The following ATP10A variants were observed in gnomAD, a reference collection of about 807,000 sequenced individuals.
The protein encoded by ATP10A is phospholipid-transporting ATPase VA.
Under a neutral mutation model 147.8 loss-of-function variants are expected in ATP10A, and 111 were observed. The observed-to-expected ratio is 0.75, with a 90% CI of 0.64 to 0.88. ATP10A has a LOEUF of 0.88. Ranked by LOEUF, ATP10A falls within the 40% of genes least tolerant of loss-of-function variation. The probability of loss-of-function intolerance (pLI) is 0.00; values close to 1 mark genes in which losing one functional copy is unlikely to be tolerated. For synonymous variants in ATP10A, 875 were observed against 841.6 expected (o/e 1.04, Z -0.69); for missense variants, 1,927 against 1,959.0 (o/e 0.98, Z 0.31).
intron 2 of ATP10A, among the ~76,000 whole-genome samples, chr15:25,779,906 C>T (rs1012282998): frequency 4.1e-5 from 6 of 146,386 alleles, no homozygotes; most frequent in South Asian, 2.1e-4. Context: ...GAAATCATGG[C>T]GGAAATCAGC....
Position 25,701,979 on chromosome 15 carries a change from A to T in ATP10A, c.2697T>A (p.Ile899=). 6 of 1,614,096 alleles carry T rather than the reference A, an allele frequency of 3.7e-6. No homozygotes were observed. The highest frequency in any genetic ancestry group is 5.1e-6 in the Non-Finnish European group (6 of 1,179,990). The change falls in exon 13 of 21, where the codon ATT becomes ATA. Residue 899 remains isoleucine, a synonymous_variant. Coordinates refer to ENST00000555815, the MANE Select transcript of ATP10A (RefSeq NM_024490.4). The part of the protein sequence containing the change: ...TGDKQETAVN[I]AYACKLLDHD... ...GGTCCAGCAGTTTGCAGGCATATGC[A>T]ATGTTGACAGCTGTTTCTTGTTTGT...
chr15:25,853,628 C>A (rs147588368), intron 1 of ATP10A, among the ~76,000 whole-genome samples: 107 of 152,144 alleles, frequency 7.0e-4, no homozygotes, highest in African/African-American at 2.5e-3. Context: ...AGTACTCCCC[C>A]CCAGATGAGA....
intron 2 of ATP10A, among the ~76,000 whole-genome samples, chr15:25,749,709 T>A (rs954964301): frequency 6.6e-6 from 1 of 152,156 alleles, no homozygotes; most frequent in Non-Finnish European, 1.5e-5. Context: ...TTAGAATTTG[T>A]AGAAAATGAC....
chr15:25,688,146 A>G (rs904462213), intron 15 of ATP10A: 2 of 397,940 alleles, frequency 5.0e-6, no homozygotes, highest in Non-Finnish European at 9.5e-6. Flanking sequence ...GAAAACACAC[A>G]GAGATACATG....
chr15:25,694,721 G>T, intron 14 of ATP10A, 98 bp downstream of exon 14: 1 of 1,080,268 alleles, frequency 9.3e-7, no homozygotes, highest in Non-Finnish European at 1.3e-6. Context: ...AGAAAGAAAG[G>T]TGAGGAAGTG....
intron 2 of ATP10A, among the ~76,000 whole-genome samples, chr15:25,741,972 G>T (rs12439326): frequency 0.099 from 15,151 of 152,284 alleles, 1,739 homozygotes; most frequent in East Asian, 0.25. Flanking sequence ...TGTTACTCTA[G>T]GGGTTAATGC....
At chr15:25,782,891 C>T (rs1216516342) in intron 1 of ATP10A, among the ~76,000 whole-genome samples, 5 of 151,874 alleles carry the variant, frequency 3.3e-5, no homozygotes, top group Non-Finnish European at 7.4e-5. Flanking sequence ...TCTGGGTTGC[C>T]GGGTGCCATG....
chr15:25,818,918 C>T (rs1044275580), intron 1 of ATP10A, among the ~76,000 whole-genome samples: 1 of 152,138 alleles, frequency 6.6e-6, no homozygotes, highest in African/African-American at 2.4e-5. Flanking sequence ...CTATCTCTCA[C>T]TCTATACACA....
At chr15:25,770,046 C>T (rs1014012435) in intron 2 of ATP10A, among the ~76,000 whole-genome samples, 5 of 152,296 alleles carry the variant, frequency 3.3e-5, no homozygotes, top group East Asian at 1.9e-4. Flanking sequence ...TTCCAGACTC[C>T]GGAACTGTGA....
intron 2 of ATP10A, among the ~76,000 whole-genome samples, chr15:25,765,048 T>C (rs761646213): frequency 1.3e-5 from 2 of 152,180 alleles, no homozygotes; most frequent in Non-Finnish European, 2.9e-5. Flanking sequence ...AAGACTTGCT[T>C]CTAGACGATT....
intron 2 of ATP10A, among the ~76,000 whole-genome samples, chr15:25,773,263 C>T (rs967852948): frequency 2.0e-5 from 3 of 152,132 alleles, no homozygotes; most frequent in African/African-American, 7.2e-5. Flanking sequence ...GAGGAGCACT[C>T]GCAAACCGAA....
intron 19 of ATP10A, 99 bp downstream of exon 19, chr15:25,680,711 T>C: frequency 9.0e-7 from 1 of 1,107,592 alleles, no homozygotes; most frequent in South Asian, 1.3e-5. Context: ...GTCTCCTGTC[T>C]ACTCAAAACG....
At chr15:25,699,919 A>G (rs1165915372) in intron 13 of ATP10A, among the ~76,000 whole-genome samples, 2 of 152,176 alleles carry the variant, frequency 1.3e-5, no homozygotes, top group African/African-American at 2.4e-5. Flanking sequence ...AAATTTATCA[A>G]AACTAAAAGC....
chr15:25,798,904 G>A (rs1447768878), intron 1 of ATP10A, among the ~76,000 whole-genome samples: 3 of 13,388 alleles, frequency 2.2e-4, no homozygotes, highest in East Asian at 6.4e-3. Context: ...GGAGGCCCCC[G>A]ACTGGCTTGA....
At position 25,723,972 on chromosome 15, in the gene ATP10A, A is replaced by T; in HGVS notation, c.1029T>A (p.Tyr343Ter). 6.2e-7 allele frequency: 1 copy of T among 1,609,718 alleles called. No individual in the cohort carries two copies. Among genetic ancestry groups the T allele is most frequent in the South Asian group, 1.1e-5 (1 of 89,924 alleles). Residue 343 changes from tyrosine (Y) to a stop codon, truncating the protein, a stop_gained, in exon 6 of 21, where the codon TAT becomes TAA. Coordinates refer to ENST00000555815, the MANE Select transcript of ATP10A (RefSeq NM_024490.4). LOFTEE classifies it high-confidence loss of function. Reference protein sequence around the residue: ...WRYQEKKSLFYVPKSDGSSLS... With the variant: ...WRYQEKKSLF Reference sequence around the variant, plus strand: ...AGGAGCTTCCATCAGACTTGGGGACATAAAATAATGACTTCTTCTCTTGAT... The same window carrying T: ...AGGAGCTTCCATCAGACTTGGGGACTTAAAATAATGACTTCTTCTCTTGAT...
chr15:25,687,319 G>C (rs4254294), intron 16 of ATP10A, among the ~76,000 whole-genome samples: 64,911 of 151,686 alleles, frequency 0.43, 15,864 homozygotes, highest in African/African-American at 0.67. Flanking sequence ...TGGACAGAGT[G>C]GTTAGGAGCC....
intron 1 of ATP10A, among the ~76,000 whole-genome samples, chr15:25,815,315 T>C (rs1245401260): frequency 1.3e-5 from 2 of 152,178 alleles, no homozygotes. Flanking sequence ...ATGGGCTTCT[T>C]GGGATGTGAC....
chr15:25,803,263 T>C (rs1428998623), intron 1 of ATP10A, among the ~76,000 whole-genome samples: 2 of 152,232 alleles, frequency 1.3e-5, no homozygotes, highest in Non-Finnish European at 2.9e-5. Flanking sequence ...ACCTGAATGA[T>C]GCTTCGCCCA....
At chr15:25,742,775 C>T (rs1197184532) in intron 2 of ATP10A, among the ~76,000 whole-genome samples, 1 of 152,182 alleles carries the variant, frequency 6.6e-6, no homozygotes, top group Non-Finnish European at 1.5e-5. Context: ...CAAATTCAAA[C>T]CTAGATGAGG....
Sources: gnomAD v4.1 joint callset for allele counts (sites outside exome capture counted in the v4.1 genomes callset) on GRCh38, gnomAD v4.1.1 for gene constraint, MANE v1.5 for transcripts, NCBI Gene and HGNC (gene_info 2026-07-23, HGNC 2026-07-21) for gene names.